ADCK2: variants seen among roughly 807,000 people sequenced by gnomAD.
ADCK2 encodes the protein uncharacterized aarF domain-containing protein kinase 2.
In ADCK2, 37 loss-of-function variants were observed where a neutral mutation model predicts 52.3. The ratio of observed to expected loss-of-function variants is 0.71; its 90% CI spans 0.54 to 0.93. The LOEUF is 0.93. Ranked by LOEUF, ADCK2 falls within the 40% of genes least tolerant of loss-of-function variation. The probability of loss-of-function intolerance (pLI) is 0.00; values close to 1 mark genes in which losing one functional copy is unlikely to be tolerated. For missense variants in ADCK2, 695 were observed against 798.7 expected (o/e 0.87, Z 1.56); for synonymous variants, 321 against 349.2 (o/e 0.92, Z 0.90).
chr7:140,687,098 A>G lies in ADCK2; in HGVS notation c.1414A>G (p.Ile472Val), dbSNP rs150836435. 6 of 1,613,848 alleles carry G rather than the reference A, an allele frequency of 3.7e-6. No homozygotes were observed. Among genetic ancestry groups the G allele is most frequent in the Non-Finnish European group, 5.1e-6 (6 of 1,180,050 alleles). Residue 472 changes from isoleucine (I) to valine (V), a missense_variant, in exon 5 of 8, where the codon ATC (isoleucine) becomes GTC (valine). Coordinates refer to ENST00000072869, the MANE Select transcript of ADCK2 (RefSeq NM_052853.4). ...GGAGGCGCAGCTGCAGCAGGCGGAC[A>G]TCTGTGACACTCTGGTGGTGGCCGT... ...SQEAQLQQAD[I>V]CDTLVVAVPS...
rs541642479 is a variant in ADCK2, at chr7:140,673,582, C to A, written c.252C>A (p.Leu84=). The change falls in exon 1 of 8, where the codon CTC becomes CTA. Residue 84 remains leucine, a synonymous_variant. Transcript: ENST00000072869. The surrounding 1 kb of genome is among the most constrained non-coding windows in gnomAD (Gnocchi z 6.4). ...GAAGAGPAES[L]PRAGPLGGVF... ...CTGGCGCGGGGCCCGCGGAGAGCCT[C>A]CCCCGAGCGGGACCTCTGGGCGGCG... is the stretch of plus-strand genomic sequence containing the variant. 3.1e-6 allele frequency: 5 copies of A among 1,604,616 alleles called. No homozygotes were observed. Among genetic ancestry groups the A allele is most frequent in the South Asian group, 1.1e-5 (1 of 90,818 alleles).
rs189246131 is a variant in ADCK2, at chr7:140,685,773, G to A, written c.1306-1217G>A. Among the ~76,000 whole-genome samples, 11 of 152,278 alleles carry A rather than the reference G, an allele frequency of 7.2e-5. No homozygotes were observed. In the East Asian group the frequency reaches 2.1e-3, roughly 29 times the overall value. On this transcript the variant is annotated intron_variant, in intron 4 of 7. Transcript: ENST00000072869. ...GTCCCTGAGAGCCCGTCCACCAGCAGCTGCTCTGCTCCTGCCTTGGTCTCT... is the reference window on the plus strand; with the variant it reads ...GTCCCTGAGAGCCCGTCCACCAGCAACTGCTCTGCTCCTGCCTTGGTCTCT...
intron 4 of ADCK2, among the ~76,000 whole-genome samples, chr7:140,684,051 A>G (rs1442378405): frequency 2.6e-5 from 4 of 152,176 alleles, no homozygotes; most frequent in African/African-American, 7.2e-5. Context: ...AGAAAGAGCT[A>G]CTTGGAAAAT....
In ADCK2 at chr7:140,693,168, T is replaced by A. The variant is rs929250739; in HGVS notation, c.1741-1495T>A. On this transcript the variant is annotated intron_variant, in intron 7 of 7. Coordinates refer to ENST00000072869, the MANE Select transcript of ADCK2 (RefSeq NM_052853.4). The surrounding 1 kb of genome is among the most constrained non-coding windows in gnomAD (Gnocchi z 4.0). Reference sequence around the variant, plus strand: ...CTATTCAGGTAGCACTTAATTTTTTTAAATAAAGTATTTGACAGTAACACA... The same window carrying A: ...CTATTCAGGTAGCACTTAATTTTTTAAAATAAAGTATTTGACAGTAACACA... Among the ~76,000 whole-genome samples, 13 of 152,242 alleles carry A rather than the reference T, an allele frequency of 8.5e-5. No homozygotes were observed. The highest frequency in any genetic ancestry group is 2.4e-4 in the African/African-American group (10 of 41,472).
At chr7:140,681,731 C>T (rs1794520544) in intron 4 of ADCK2, among the ~76,000 whole-genome samples, 1 of 151,930 alleles carries the variant, frequency 6.6e-6, no homozygotes, top group South Asian at 2.1e-4. Flanking sequence ...GATCCTGCCT[C>T]CTCACTCCTC....
Position 140,681,105 on chromosome 7 carries a change from G to A in ADCK2, c.1273G>A (p.Ala425Thr), listed in dbSNP as rs1482774166. ...TCCCGTGGACTTGAAAAGGAAGATT[G>A]CACGGCTGGGGATCAACATGCTCCT... ...GIPVDLKRKI[A>T]RLGINMLLKM... is the part of the protein sequence containing the mutation. Residue 425 changes from alanine to threonine, a missense_variant, in exon 4 of 8, where the codon GCA becomes ACA. Transcript: ENST00000072869. The A allele has an allele frequency of 6.2e-7, 1 of 1,614,136 alleles. No homozygotes were observed. The highest frequency in any genetic ancestry group is 1.7e-5 in the Admixed American group (1 of 60,022).
chr7:140,689,932 T>C (rs1794675999), intron 6 of ADCK2, among the ~76,000 whole-genome samples: 1 of 152,158 alleles, frequency 6.6e-6, no homozygotes, highest in African/African-American at 2.4e-5. Flanking sequence ...CTTAGGAGGC[T>C]GCAGCTCCTT....
chr7:140,686,702 C>T (rs1794610099), intron 4 of ADCK2, among the ~76,000 whole-genome samples: 1 of 152,184 alleles, frequency 6.6e-6, no homozygotes, highest in South Asian at 2.1e-4. Flanking sequence ...TCGTTGGCCT[C>T]CCAAAGTGCT....
chr7:140,682,537 A>C (rs1375347771), intron 4 of ADCK2, among the ~76,000 whole-genome samples: 1 of 152,164 alleles, frequency 6.6e-6, no homozygotes, highest in Non-Finnish European at 1.5e-5. Context: ...TCTGTGAAAG[A>C]GTTTGGACTT....
At chr7:140,689,755 G>C in intron 6 of ADCK2, 30 bp downstream of exon 6, 1 of 1,590,032 alleles carries the variant, frequency 6.3e-7, no homozygotes, top group Non-Finnish European at 8.6e-7. Context: ...AACAGGGGCT[G>C]GGGAGTCCAT....
At position 140,678,744 on chromosome 7, in the gene ADCK2, G is replaced by A. The variant is rs1276979658; in HGVS notation, c.1081-411G>A. Among the ~76,000 whole-genome samples, 3 of 152,272 alleles carry A rather than the reference G, an allele frequency of 2.0e-5. No homozygotes were observed. The East Asian group carries it at 5.8e-4, about 29-fold the overall frequency. ...TGCGGTGGGTGGAGAGCTGCCGCGA[G>A]ATGAAGGGGTAGCCCTGTGTGGAAG... is the stretch of plus-strand genomic sequence containing the variant. On this transcript the variant is annotated intron_variant, in intron 2 of 7. Coordinates refer to ENST00000072869, the MANE Select transcript of ADCK2 (RefSeq NM_052853.4). This position sits in a 1 kb window ranked among gnomAD's most constrained non-coding sequence, Gnocchi z 4.9.
In ADCK2 at chr7:140,679,257, A is replaced by G. The variant is rs1439382379; in HGVS notation, c.1183A>G (p.Arg395Gly). Residue 395 changes from arginine (R) to glycine (G), a missense_variant, in exon 3 of 8, where the codon AGA becomes GGA. Arg to Gly is a moderately radical substitution (Grantham distance 125). Transcript: ENST00000072869. ...CACCCCTCTGCGCCCCTTTGTCACC[A>G]GAGAAGTCTTGGTGGAAACGTATGA... The part of the protein sequence containing the change: ...FPTPLRPFVT[R>G]EVLVETYEES... 6.2e-7 allele frequency: 1 copy of G among 1,613,368 alleles called. No homozygotes were observed.
chr7:140,691,468 C>T lies in ADCK2; in HGVS notation c.1740+655C>T, dbSNP rs184247473. Among the ~76,000 whole-genome samples, 366 of 152,252 alleles carry T rather than the reference C, an allele frequency of 2.4e-3. 2 individuals are homozygous for T. Among genetic ancestry groups the T allele is most frequent in the Non-Finnish European group, 2.4e-3 (164 of 68,018 alleles). ...AGCTCTTTCCTGGTGGAATGAAGTC[C>T]TGGGGTCCAGAGGCCGCTCTAGAGG... On this transcript the variant is annotated intron_variant, in intron 7 of 7. Coordinates refer to ENST00000072869, the MANE Select transcript of ADCK2 (RefSeq NM_052853.4).
chr7:140,681,092 G>C lies in ADCK2; in HGVS notation c.1260G>C (p.Leu420Phe), dbSNP rs752945851. Residue 420 changes from leucine to phenylalanine, a missense_variant, in exon 4 of 8, where the codon TTG becomes TTC. Leu to Phe is a conservative substitution (Grantham distance 22). Coordinates refer to ENST00000072869, the MANE Select transcript of ADCK2 (RefSeq NM_052853.4). ...SYQQAGIPVD[L>F]KRKIARLGIN... The stretch of plus-strand genomic sequence containing the variant: ...AGCAGGCAGGAATTCCCGTGGACTT[G>C]AAAAGGAAGATTGCACGGCTGGGGA... The C allele has an allele frequency of 1.9e-6, 3 of 1,614,060 alleles. No homozygotes were observed. The highest frequency in any genetic ancestry group is 1.7e-5 in the Admixed American group (1 of 59,994).
intron 6 of ADCK2, among the ~76,000 whole-genome samples, chr7:140,690,308 T>G (rs1794682812): frequency 6.6e-6 from 1 of 152,160 alleles, no homozygotes; most frequent in South Asian, 2.1e-4. Context: ...ATTCAAGCGA[T>G]TCTCCTGCCT....
At chr7:140,689,032 A>C (rs1169937367) in intron 5 of ADCK2, among the ~76,000 whole-genome samples, 3 of 151,282 alleles carry the variant, frequency 2.0e-5, no homozygotes, top group Admixed American at 2.0e-4. Context: ...CAGTGGTACG[A>C]TCTCAGCTCA....
intron 2 of ADCK2, among the ~76,000 whole-genome samples, chr7:140,676,259 G>T (rs771169782): frequency 6.6e-6 from 1 of 152,076 alleles, no homozygotes; most frequent in Non-Finnish European, 1.5e-5. Flanking sequence ...GTGTAAAGGC[G>T]CTGATTCATT....
chr7:140,690,887 G>A (rs1031935663), intron 7 of ADCK2, 74 bp downstream of exon 7: 2 of 1,346,190 alleles, frequency 1.5e-6, no homozygotes, highest in African/African-American at 3.0e-5. Flanking sequence ...ACACAGGGTG[G>A]TGGGAGGCGC....
At chr7:140,684,898 A>G (rs1794579596) in intron 4 of ADCK2, among the ~76,000 whole-genome samples, 2 of 152,080 alleles carry the variant, frequency 1.3e-5, no homozygotes, top group African/African-American at 4.8e-5. Flanking sequence ...CCCGGTGGCA[A>G]GAGGACTTTG....
Sources: gnomAD v4.1 joint callset for allele counts (sites outside exome capture counted in the v4.1 genomes callset) on GRCh38, gnomAD v4.1.1 for gene constraint, Gnocchi (gnomAD v3.1) non-coding constraint, MANE v1.5 for transcripts, NCBI Gene and HGNC (gene_info 2026-07-23, HGNC 2026-07-21) for gene names.